CNGA1: variants seen among roughly 807,000 people sequenced by gnomAD.
The protein encoded by CNGA1 is cyclic nucleotide gated channel subunit alpha 1, also known as cyclic nucleotide-gated channel alpha-1.
Under a neutral mutation model 69.7 loss-of-function variants are expected in CNGA1, and 53 were observed. The ratio of observed to expected loss-of-function variants is 0.76; its 90% confidence interval spans 0.61 to 0.96. The LOEUF is 0.96. Among genes scored for constraint, CNGA1 ranks in the 40% least tolerant of loss-of-function variants. The pLI, the probability that CNGA1 is intolerant of heterozygous loss-of-function variation, is 0.00. For synonymous variants in CNGA1, 249 were observed against 283.5 expected (o/e 0.88, Z 1.22); for missense variants, 739 against 811.2 (o/e 0.91, Z 1.08).
chr4:47,942,243 A>G lies in CNGA1; in HGVS notation c.438-95T>C, dbSNP rs1739128313. ...ATCGTTATGCCCATCAACCACAATT[A>G]ATGAAATGGAAGTAAGCTGGAGAAG... On this transcript the variant is annotated intron_variant, in intron 8 of 10. Transcript: ENST00000514170. 5 of 806,568 alleles carry G rather than the reference A, an allele frequency of 6.2e-6. No individual in the cohort carries two copies. The Admixed American group carries it at 8.9e-5, about 14-fold the overall frequency. The allele number at this position is 806,568 out of a possible 1,614,324, so 50.0% of individuals were successfully genotyped here.
chr4:47,962,632 A>G (rs756809697), intron 3 of CNGA1, among the ~76,000 whole-genome samples: 1 of 152,222 alleles, frequency 6.6e-6, no homozygotes, highest in Non-Finnish European at 1.5e-5. Flanking sequence ...ACATATAGCC[A>G]GAATATATAC....
chr4:47,942,293 C>A (rs1167872972), intron 8 of CNGA1, 145 bp from the exon 9 acceptor site: 7 of 668,922 alleles, frequency 1.0e-5, no homozygotes, highest in Non-Finnish European at 8.2e-6. Flanking sequence ...TGAAGATTAG[C>A]ATGGCATAAG....
chr4:47,984,706 T>TA (rs1741912239), intron 2 of CNGA1, among the ~76,000 whole-genome samples: 1 of 143,760 alleles, frequency 7.0e-6, no homozygotes, highest in African/African-American at 2.5e-5. Flanking sequence ...ATATATATAA[T>TA]ATATATAATT....
chr4:47,992,657 A>ATTATTTATTTATTTATTTATTTAT (rs144346141), intron 2 of CNGA1, among the ~76,000 whole-genome samples: 1 of 145,256 alleles, frequency 6.9e-6, no homozygotes, highest in Non-Finnish European at 1.5e-5. Context: ...GATGCCATTT[A>ATTATTTATTTATTTATTTATTTAT]TTATTTATTT....
intron 1 of CNGA1, among the ~76,000 whole-genome samples, chr4:48,015,875 G>A (rs866374768): frequency 6.6e-6 from 1 of 152,156 alleles, no homozygotes. Context: ...TGTGATTACA[G>A]GGGTGAGCCA....
intron 6 of CNGA1, among the ~76,000 whole-genome samples, chr4:47,949,252 C>T (rs1395762604): frequency 6.6e-6 from 1 of 152,182 alleles, no homozygotes; most frequent in Non-Finnish European, 1.5e-5. Context: ...GATGGTTATG[C>T]TCCATCTTCT....
chr4:47,972,315 C>G (rs998022602), intron 3 of CNGA1, among the ~76,000 whole-genome samples: 1 of 152,180 alleles, frequency 6.6e-6, no homozygotes, highest in African/African-American at 2.4e-5. Flanking sequence ...CTCTTACTAA[C>G]AATGCTGCAA....
At chr4:47,971,893 A>AAAAC (rs112046660) in intron 3 of CNGA1, among the ~76,000 whole-genome samples, 25,035 of 147,278 alleles carry the variant, frequency 0.17, 2,588 homozygotes, top group East Asian at 0.29. Context: ...GACTCTCTGA[A>AAAAC]AAACAAACAA....
chr4:48,000,874 T>C (rs1714639537), intron 2 of CNGA1, among the ~76,000 whole-genome samples: 1 of 152,128 alleles, frequency 6.6e-6, no homozygotes, highest in African/African-American at 2.4e-5. Context: ...CTAGGGAAAA[T>C]AGCTTTTGAA....
intron 2 of CNGA1, among the ~76,000 whole-genome samples, chr4:48,007,979 T>C (rs1230895730): frequency 6.6e-6 from 1 of 152,170 alleles, no homozygotes; most frequent in Admixed American, 6.5e-5. Flanking sequence ...CAAGATGCAA[T>C]AGAAGTTTAA....
chr4:47,970,770 C>A lies in CNGA1; in HGVS notation c.-15+10623G>T, dbSNP rs1487402788. 4 of 399,178 alleles carry A rather than the reference C, an allele frequency of 1.0e-5. No individual in the cohort carries two copies. In the East Asian group the frequency reaches 2.2e-4, roughly 22 times the overall value. The allele number at this position is 399,178 out of a possible 1,614,324, so 24.7% of individuals were successfully genotyped here. ...TCTGCCTTTCTTCCTACCTCTGGTA[C>A]CTTGTTATTTTTATATTTTATATAC... On this transcript the variant is annotated intron_variant, in intron 3 of 10. Transcript: ENST00000514170.
chr4:48,010,581 G>A (rs1395971269), intron 2 of CNGA1, among the ~76,000 whole-genome samples: 3 of 152,246 alleles, frequency 2.0e-5, no homozygotes, highest in Middle Eastern at 3.4e-3. Context: ...TTGGCCTCAC[G>A]GATTCCAAGG....
intron 2 of CNGA1, among the ~76,000 whole-genome samples, chr4:48,003,510 C>T (rs545794610): frequency 2.6e-5 from 4 of 152,154 alleles, no homozygotes; most frequent in South Asian, 2.1e-4. Context: ...ACCAAGGACA[C>T]GAGCTGTTCC....
intron 2 of CNGA1, among the ~76,000 whole-genome samples, chr4:48,003,969 C>T (rs1034620079): frequency 1.8e-4 from 27 of 152,286 alleles, no homozygotes; most frequent in South Asian, 1.0e-3. Context: ...TAGTCAGGCC[C>T]GCCCGCAGTT....
intron 3 of CNGA1, among the ~76,000 whole-genome samples, chr4:47,957,144 C>G (rs531350578): frequency 6.6e-6 from 1 of 152,080 alleles, no homozygotes; most frequent in East Asian, 1.9e-4. Flanking sequence ...CCATGTTGGC[C>G]AGGCTGGTCT....
intron 3 of CNGA1, chr4:47,970,895 C>T: frequency 2.2e-6 from 1 of 453,742 alleles, no homozygotes; most frequent in Non-Finnish European, 4.4e-6. Context: ...GTGGCTCACA[C>T]CTGTAATACC....
In CNGA1 at chr4:47,942,045, C is replaced by T; in HGVS notation, c.541G>A (p.Ala181Thr). Residue 181 changes from alanine (A) to threonine (T), a missense_variant, in exon 9 of 11, where the codon GCC (alanine) becomes ACC (threonine). Transcript: ENST00000514170. Reference protein sequence around the residue: ...PVMYNWTMVIARACFDELQSD... With the variant: ...PVMYNWTMVITRACFDELQSD... The stretch of plus-strand genomic sequence containing the variant: ...AAAAAAAAAAATTATAGACACCTGG[C>T]AATAACCATTGTCCAGTTGTACATA... 20 of 1,574,892 alleles carry T rather than the reference C, an allele frequency of 1.3e-5. No homozygotes were observed. The highest frequency in any genetic ancestry group is 1.6e-5 in the Non-Finnish European group (18 of 1,146,602).
intron 2 of CNGA1, 110 bp downstream of exon 2, chr4:48,010,683 AG>A (rs1715116068): frequency 6.5e-6 from 1 of 153,442 alleles, no homozygotes; most frequent in Non-Finnish European, 1.4e-5. Context: ...ACTAGTGTTC[AG>A]CTCGATTAGG....
chr4:47,942,200 T>C (rs1234506731), intron 8 of CNGA1, 52 bp from the exon 9 acceptor site: 2 of 1,123,506 alleles, frequency 1.8e-6, no homozygotes, highest in Non-Finnish European at 2.7e-6. Flanking sequence ...AAGAACATTT[T>C]TATTTACCAT....
Sources: allele counts gnomAD v4.1 joint callset (sites outside exome capture counted in the v4.1 genomes callset), GRCh38; gene constraint gnomAD v4.1.1; transcripts MANE v1.5; gene names NCBI Gene and HGNC (gene_info 2026-07-23, HGNC 2026-07-21).